C2orf78: variants seen among roughly 807,000 people sequenced by gnomAD.
C2orf78 encodes the protein chromosome 2 open reading frame 78.
Under a neutral mutation model 21.4 loss-of-function variants are expected in C2orf78, and 12 were observed. The ratio of observed to expected loss-of-function variants is 0.56; its 90% CI spans 0.36 to 0.91. The LOEUF (loss-of-function observed/expected upper bound fraction) is 0.91. C2orf78 is among the 40% of genes least tolerant of loss of function. C2orf78 has a pLI of 0.01. For missense variants in C2orf78, 1,042 were observed against 1,092.4 expected (o/e 0.95, Z 0.65); for synonymous variants, 396 against 413.9 (o/e 0.96, Z 0.52).
intron 1 of C2orf78, among the ~76,000 whole-genome samples, chr2:73,810,384 G>A (rs1464930312): frequency 6.6e-6 from 1 of 151,498 alleles, no homozygotes; most frequent in Non-Finnish European, 1.5e-5. Context: ...AAAATTAGCC[G>A]GGCATGGTGG....
At chr2:73,812,722 T>A (rs891495601) in intron 1 of C2orf78, among the ~76,000 whole-genome samples, 6 of 152,152 alleles carry the variant, frequency 3.9e-5, no homozygotes, top group Non-Finnish European at 7.3e-5. Flanking sequence ...AGTAAGACTC[T>A]GTCTCAGTAA....
chr2:73,812,799 A>G (rs577875651), intron 1 of C2orf78, among the ~76,000 whole-genome samples: 306 of 152,302 alleles, frequency 2.0e-3, no homozygotes, highest in African/African-American at 7.2e-3. Context: ...AGGCTTGAAG[A>G]GGGCAAAGAA....
chr2:73,814,086 G>C (rs780003437), exon 2 of C2orf78: 92 of 1,613,116 alleles, frequency 5.7e-5, no homozygotes, highest in Non-Finnish European at 7.7e-5. Flanking sequence ...TCATACACAG[G>C]ATATAGGGCT....
In C2orf78 at chr2:73,810,547, A is replaced by ATT. The variant is rs1464110869; in HGVS notation, c.98-2929_98-2928insTT. On this transcript the variant is annotated intron_variant, in intron 1 of 2. Coordinates refer to ENST00000409561, the Ensembl canonical transcript of C2orf78. ...TGTCTCAAAAAGAAAATATATATAT[A>ATT]TATATACATAAAATATATATGTATA... Among the ~76,000 whole-genome samples, 5 of 142,506 alleles carry ATT rather than the reference A, an allele frequency of 3.5e-5. No individual in the cohort carries two copies. The South Asian group carries it at 1.1e-3, about 30-fold the overall frequency. 93.5% of individuals were successfully genotyped at this position (142,506 alleles called of 152,430 possible).
chr2:73,785,982 G>T (rs1672919967), intron 1 of C2orf78, among the ~76,000 whole-genome samples: 2 of 151,898 alleles, frequency 1.3e-5, no homozygotes, highest in South Asian at 4.2e-4. Context: ...AGAGGCAAAG[G>T]TTGTGGTGAG....
At chr2:73,811,272 T>C (rs141095646) in intron 1 of C2orf78, among the ~76,000 whole-genome samples, 62 of 152,070 alleles carry the variant, frequency 4.1e-4, no homozygotes, top group South Asian at 1.2e-3. Context: ...GTCTGTAGGA[T>C]AGAGCAGGAC....
intron 1 of C2orf78, among the ~76,000 whole-genome samples, chr2:73,810,445 T>C (rs568979509): frequency 6.0e-5 from 9 of 151,232 alleles, no homozygotes; most frequent in African/African-American, 2.2e-4. Flanking sequence ...GAGAATCGTT[T>C]GAACCCAGGA....
chr2:73,810,584 TTA>T lies in C2orf78; in HGVS notation c.98-2884_98-2883del, dbSNP rs796468424. Among the ~76,000 whole-genome samples the T allele has an allele frequency of 9.3e-5, 13 of 140,040 alleles. No homozygotes were observed. In the South Asian group the frequency reaches 1.3e-3, roughly 14 times the overall value. The allele number at this position is 140,040 out of a possible 152,430, so 91.9% of individuals were successfully genotyped here. A position where few individuals can be genotyped will look rare whatever the true frequency, so the allele number is the denominator to read the frequency against. ...AATATATATGTATATTTTATGTATA[TTA>T]TATATATACATAAAATATATATATT... On this transcript the variant is annotated intron_variant, in intron 1 of 2. Transcript: ENST00000409561.
At chr2:73,810,423 A>T (rs1673055236) in intron 1 of C2orf78, among the ~76,000 whole-genome samples, 1 of 151,472 alleles carries the variant, frequency 6.6e-6, no homozygotes, top group Admixed American at 6.6e-5. Flanking sequence ...GCTACTTGGG[A>T]GGCTGAGGCA....
At chr2:73,808,757 G>T in intron 1 of C2orf78, 1 of 1,519,330 alleles carries the variant, frequency 6.6e-7, no homozygotes, top group African/African-American at 1.4e-5. Context: ...ATCATCACAA[G>T]GGGCCAGTGA....
In C2orf78 at chr2:73,816,927, G is replaced by T; in HGVS notation, c.2704G>T (p.Val902Leu). ...TGCCAAATACACCTCTTTGGGGAAA[G>T]TGCAGTTTTTCATTGAAAGGGAAAG... Residue 902 changes from valine to leucine, a missense_variant, in exon 3 of 3, where the codon GTG (valine) becomes TTG (leucine). Coordinates refer to ENST00000409561, the Ensembl canonical transcript of C2orf78. 4 of 1,612,804 alleles carry T rather than the reference G, an allele frequency of 2.5e-6. No homozygotes were observed. The South Asian group carries it at 4.4e-5, about 18-fold the overall frequency.
intron 1 of C2orf78, among the ~76,000 whole-genome samples, chr2:73,809,861 G>T (rs1288605398): frequency 6.6e-6 from 1 of 152,190 alleles, no homozygotes; most frequent in Non-Finnish European, 1.5e-5. Context: ...AGAGAAAATG[G>T]AGAGTACTGG....
At chr2:73,816,636 C>T (rs1393705925) in exon 3 of C2orf78, 4 of 1,613,606 alleles carry the variant, frequency 2.5e-6, no homozygotes, top group Non-Finnish European at 3.4e-6. Context: ...GCCTACTGTC[C>T]CTCAATCTGC....
chr2:73,810,366 A>G (rs1172743142), intron 1 of C2orf78, among the ~76,000 whole-genome samples: 1 of 151,714 alleles, frequency 6.6e-6, no homozygotes, highest in Non-Finnish European at 1.5e-5. Context: ...TGTCTCTACT[A>G]AAAATACAAA....
chr2:73,785,801 C>T (rs1368072531), intron 1 of C2orf78, among the ~76,000 whole-genome samples: 1 of 152,008 alleles, frequency 6.6e-6, no homozygotes, highest in South Asian at 2.1e-4. Flanking sequence ...AATCCCAGCA[C>T]TTTGGGAGGC....
At chr2:73,815,476 T>C (rs1263461537) in exon 3 of C2orf78, 2 of 1,613,696 alleles carry the variant, frequency 1.2e-6, no homozygotes. Flanking sequence ...AATGCCAATC[T>C]AAGAAATAAG....
chr2:73,813,749 C>T, exon 2 of C2orf78: 4 of 1,614,026 alleles, frequency 2.5e-6, no homozygotes, highest in Non-Finnish European at 3.4e-6. Context: ...TGCCTCTTAT[C>T]CAGGCGTTTT....
chr2:73,815,419 T>C (rs769827501), exon 3 of C2orf78: 20 of 1,613,984 alleles, frequency 1.2e-5, no homozygotes, highest in Non-Finnish European at 1.7e-5. Context: ...CACCCGCTTC[T>C]GGCCTGCATT....
At chr2:73,815,402 C>A (rs143445466) in exon 3 of C2orf78, 91 of 1,613,772 alleles carry the variant, frequency 5.6e-5, no homozygotes, top group Non-Finnish European at 6.3e-5. Flanking sequence ...TAGAAATCCC[C>A]GATATTCACC....
Sources: gnomAD v4.1 joint callset for allele counts (sites outside exome capture counted in the v4.1 genomes callset) on GRCh38, gnomAD v4.1.1 for gene constraint, MANE v1.5 for transcripts, NCBI Gene and HGNC (gene_info 2026-07-23, HGNC 2026-07-21) for gene names.